C10orf71: variants seen among roughly 807,000 people sequenced by gnomAD.
C10orf71 encodes the protein cardiac-enriched FHL2-interacting protein.
For synonymous variants in C10orf71, 758 were observed against 726.3 expected, an observed-to-expected ratio of 1.04 and a Z score of -0.70; for missense variants, 1,869 against 1,804.5, an observed-to-expected ratio of 1.04 and a Z score of -0.65.
chr10:49,323,549 A>T lies in C10orf71; in HGVS notation c.1004A>T (p.Glu335Val). 6.2e-7 allele frequency: 1 copy of T among 1,608,680 alleles called. No homozygotes were observed. Among genetic ancestry groups the T allele is most frequent in the Non-Finnish European group, 8.5e-7 (1 of 1,176,636 alleles). Residue 335 changes from glutamate to valine, a missense_variant, in exon 3 of 3, where the codon GAG (glutamate) becomes GTG (valine). Glu to Val is a moderately radical substitution (Grantham distance 121). Coordinates refer to ENST00000374144, the MANE Select transcript of C10orf71 (RefSeq NM_001135196.2). ...CQVQASCSQE[E>V]NRLAAGALST... ...GTCCAGGCCAGCTGCAGTCAGGAAGAGAACAGACTTGCAGCAGGGGCTCTG... is the reference window on the plus strand; with the variant it reads ...GTCCAGGCCAGCTGCAGTCAGGAAGTGAACAGACTTGCAGCAGGGGCTCTG...
chr10:49,325,390 G>T lies in C10orf71; in HGVS notation c.2845G>T (p.Ala949Ser). 1 of 1,551,016 alleles carries T rather than the reference G, an allele frequency of 6.4e-7. No individual in the cohort carries two copies. The highest frequency in any genetic ancestry group is 8.7e-7 in the Non-Finnish European group (1 of 1,146,454). ...GGGGTCGAGCATGGCCAGGATGGAG[G>T]CCTCTCAGCCAGCCCCAAAGGGGAA... ...GQGSSMARME[A>S]SQPAPKGNFP... Residue 949 changes from alanine to serine, a missense_variant, in exon 3 of 3, where the codon GCC (alanine) becomes TCC (serine). Ala to Ser is a moderately conservative substitution (Grantham distance 99). Coordinates refer to ENST00000374144, the MANE Select transcript of C10orf71 (RefSeq NM_001135196.2).
At chr10:49,318,772 C>T (rs1034232144) in intron 2 of C10orf71, among the ~76,000 whole-genome samples, 1 of 152,226 alleles carries the variant, frequency 6.6e-6, no homozygotes, top group African/African-American at 2.4e-5. Flanking sequence ...GCAGTGAGGA[C>T]ACATGATCCC....
At chr10:49,314,273 A>G (rs1481807205) in intron 1 of C10orf71, among the ~76,000 whole-genome samples, 1 of 152,190 alleles carries the variant, frequency 6.6e-6, no homozygotes, top group African/African-American at 2.4e-5. Context: ...ACAGACTTAA[A>G]TAGGAACTGA....
At chr10:49,300,441 TG>T (rs1256393546) in intron 1 of C10orf71, among the ~76,000 whole-genome samples, 1 of 141,824 alleles carries the variant, frequency 7.1e-6, no homozygotes, top group African/African-American at 2.7e-5. Flanking sequence ...GAACACATCT[TG>T]AGATGGGTCA....
In C10orf71 at chr10:49,325,332, C is replaced by T. The variant is rs369258038; in HGVS notation, c.2787C>T (p.Cys929=). 1.3e-4 allele frequency: 203 copies of T among 1,551,626 alleles called. No homozygotes were observed. The highest frequency in any genetic ancestry group is 1.6e-4 in the Non-Finnish European group (181 of 1,147,022). ...ACACACGGGGCACACGTGTGAAGTG[C>T]ATGGCCAACGAGGTCATGGAGGACC... The part of the protein sequence containing the change: ...PTNTRGTRVK[C]MANEVMEDPG... Residue 929 remains cysteine, a synonymous_variant, in exon 3 of 3, where the codon TGC becomes TGT. Transcript: ENST00000374144.
chr10:49,317,379 C>A (rs1849016848), intron 2 of C10orf71, among the ~76,000 whole-genome samples: 1 of 152,218 alleles, frequency 6.6e-6, no homozygotes, highest in African/African-American at 2.4e-5. Context: ...GCTTGTCTCT[C>A]AGGGCTGCAA....
chr10:49,322,037 G>A (rs4838497), intron 2 of C10orf71, among the ~76,000 whole-genome samples: 1 of 152,016 alleles, frequency 6.6e-6, no homozygotes, highest in African/African-American at 2.4e-5. Context: ...TTTCATTTTT[G>A]TGATTGTTTC....
chr10:49,326,843 G>T lies in C10orf71; in HGVS notation c.4298G>T (p.Gly1433Val). The T allele has an allele frequency of 6.6e-7, 1 of 1,522,268 alleles. No homozygotes were observed. The highest frequency in any genetic ancestry group is 8.8e-7 in the Non-Finnish European group (1 of 1,132,348). The allele number at this position is 1,522,268 out of a possible 1,614,324, so 94.3% of individuals were successfully genotyped here. A position where few individuals can be genotyped will look rare whatever the true frequency, so the allele number is the denominator to read the frequency against. The change falls in exon 3 of 3, where the codon GGC (glycine) becomes GTC (valine). Residue 1433 changes from glycine to valine, a missense_variant. Transcript: ENST00000374144. ...TDDLEDFATEGIS is the reference protein window; with the variant it reads ...TDDLEDFATEVIS ...GACCTAGAGGACTTTGCCACAGAAG[G>T]CATTTCTTGAGTTACTGCAGGCTGT...
chr10:49,298,303 A>C (rs1359023389), upstream of C10orf71, among the ~76,000 whole-genome samples: 1 of 152,260 alleles, frequency 6.6e-6, no homozygotes, highest in Non-Finnish European at 1.5e-5. Flanking sequence ...TTCTCAGGCC[A>C]CAGTCAGGGA....
At chr10:49,307,339 A>G (rs1163747727) in intron 1 of C10orf71, among the ~76,000 whole-genome samples, 1 of 152,160 alleles carries the variant, frequency 6.6e-6, no homozygotes, top group Non-Finnish European at 1.5e-5. Context: ...CACCTGAGAG[A>G]GTGTCGTGGA....
At chr10:49,319,555 A>T (rs1052298157) in intron 2 of C10orf71, among the ~76,000 whole-genome samples, 1 of 151,878 alleles carries the variant, frequency 6.6e-6, no homozygotes, top group African/African-American at 2.4e-5. Context: ...TCTTTGAGAG[A>T]TATTTGCACA....
chr10:49,322,648 C>G lies in C10orf71; in HGVS notation c.103C>G (p.Arg35Gly). The change falls in exon 3 of 3, where the codon CGG becomes GGG. Residue 35 changes from arginine (R) to glycine (G), a missense_variant. Coordinates refer to ENST00000374144, the MANE Select transcript of C10orf71 (RefSeq NM_001135196.2). ...CAGGGAGGTGAGCAGCCTAACAGAC[C>G]GGGCATTCCGGAGTTTGTGCATCTC... Reference protein sequence around the residue: ...ADREVSSLTDRAFRSLCISED... With the variant: ...ADREVSSLTDGAFRSLCISED... The G allele has an allele frequency of 3.1e-6, 5 of 1,613,448 alleles. No individual in the cohort carries two copies. Among genetic ancestry groups the G allele is most frequent in the Middle Eastern group, 1.7e-4 (1 of 6,060 alleles).
rs1848681584 is a variant in C10orf71, at chr10:49,299,226, CTATT to C, written c.-252_-249del. On this transcript the variant is annotated 5_prime_UTR_variant, in exon 1 of 3. Transcript: ENST00000374144. ...CATTTGGTTTCCCCCGGCTGGGTCTCTATTTAGGTAAGCTTCGCGGACTTCCCGT... is the reference window on the plus strand; with the variant it reads ...CATTTGGTTTCCCCCGGCTGGGTCTCTAGGTAAGCTTCGCGGACTTCCCGT... 2 of 152,224 alleles carry C rather than the reference CTATT, an allele frequency of 1.3e-5. No homozygotes were observed. The highest frequency in any genetic ancestry group is 4.8e-5 in the African/African-American group (2 of 41,444). The allele number at this position is 152,224 out of a possible 1,614,324, so 9.4% of individuals were successfully genotyped here.
Position 49,325,303 on chromosome 10 carries a change from A to G in C10orf71, c.2758A>G (p.Thr920Ala), listed in dbSNP as rs750542063. ...GGACATTCTTGGTACATCGACACCC[A>G]CTAACACACGGGGCACACGTGTGAA... ...NQDILGTSTP[T>A]NTRGTRVKCM... The change falls in exon 3 of 3, where the codon ACT (threonine) becomes GCT (alanine). Residue 920 changes from threonine (T) to alanine (A), a missense_variant. Thr to Ala is a moderately conservative substitution (Grantham distance 58). Coordinates refer to ENST00000374144, the MANE Select transcript of C10orf71 (RefSeq NM_001135196.2). 3.9e-6 allele frequency: 6 copies of G among 1,551,732 alleles called. No individual in the cohort carries two copies. The African/African-American group carries it at 4.1e-5, about 11-fold the overall frequency.
At chr10:49,319,234 T>A (rs533028317) in intron 2 of C10orf71, among the ~76,000 whole-genome samples, 1 of 152,208 alleles carries the variant, frequency 6.6e-6, no homozygotes, top group South Asian at 2.1e-4. Flanking sequence ...GGGAGGTATG[T>A]GTGCCAGGGG....
chr10:49,307,741 C>T (rs771728872), intron 1 of C10orf71, among the ~76,000 whole-genome samples: 17 of 152,196 alleles, frequency 1.1e-4, no homozygotes, highest in Non-Finnish European at 2.1e-4. Context: ...TATTAAACAT[C>T]GCTTGGCCTG....
At position 49,327,008 on chromosome 10, in the gene C10orf71, A is replaced by T; in HGVS notation, c.*155A>T. On this transcript the variant is annotated 3_prime_UTR_variant, in exon 3 of 3. Transcript: ENST00000374144. ...CCTTTTTAGATCCATAAAGTCCAGAAGGCAGTAGGGATCCCAAGACGACCT... is the reference window on the plus strand; with the variant it reads ...CCTTTTTAGATCCATAAAGTCCAGATGGCAGTAGGGATCCCAAGACGACCT... The T allele has an allele frequency of 6.3e-7, 1 of 1,592,420 alleles. No individual in the cohort carries two copies. The highest frequency in any genetic ancestry group is 8.6e-7 in the Non-Finnish European group (1 of 1,168,540).
At chr10:49,298,405 G>C (rs1309900573), upstream of C10orf71, among the ~76,000 whole-genome samples, 1 of 152,248 alleles carries the variant, frequency 6.6e-6, no homozygotes, top group Non-Finnish European at 1.5e-5. Context: ...GGGCCAGCTT[G>C]GGAGAGTAAG....
chr10:49,307,700 A>T (rs1259527379), intron 1 of C10orf71, among the ~76,000 whole-genome samples: 1 of 152,204 alleles, frequency 6.6e-6, no homozygotes, highest in African/African-American at 2.4e-5. Context: ...CAGTGCTACA[A>T]ATCCAGTGCT....
Sources: gnomAD v4.1 joint callset for allele counts (sites outside exome capture counted in the v4.1 genomes callset) on GRCh38, gnomAD v4.1.1 for gene constraint, MANE v1.5 for transcripts, NCBI Gene and HGNC (gene_info 2026-07-23, HGNC 2026-07-21) for gene names.